NVL: variants seen among roughly 807,000 people sequenced by gnomAD.
NVL encodes the protein nuclear valosin-containing protein-like.
In NVL, 84 loss-of-function variants were observed where a neutral mutation model predicts 110.2. The ratio of observed to expected loss-of-function variants is 0.76; its 90% confidence interval spans 0.64 to 0.91. NVL has a LOEUF of 0.91. Ranked by LOEUF, NVL falls within the 40% of genes least tolerant of loss-of-function variation. The pLI, the probability that NVL is intolerant of heterozygous loss-of-function variation, is 0.00. For missense variants in NVL, 882 were observed against 1,035.9 expected (o/e 0.85, Z 2.04); for synonymous variants, 354 against 361.1 (o/e 0.98, Z 0.22).
chr1:224,316,375 T>C (rs1271256661), intron 4 of NVL, among the ~76,000 whole-genome samples: 2 of 151,998 alleles, frequency 1.3e-5, no homozygotes, highest in Non-Finnish European at 2.9e-5. Context: ...TAACATACAG[T>C]GACAGAAAGC....
At chr1:224,303,615 C>T (rs1668628217) in intron 9 of NVL, 108 bp downstream of exon 9, 1 of 1,132,360 alleles carries the variant, frequency 8.8e-7, no homozygotes, top group African/African-American at 1.6e-5. Flanking sequence ...TGACTATGTT[C>T]TCTTCCTGAA....
At chr1:224,321,625 G>A (rs1175731198) in intron 2 of NVL, among the ~76,000 whole-genome samples, 2 of 151,796 alleles carry the variant, frequency 1.3e-5, no homozygotes. Context: ...GTGTGGTGGT[G>A]TACACCTGTA....
At chr1:224,231,884 T>C (rs150967467) in intron 21 of NVL, among the ~76,000 whole-genome samples, 3,687 of 150,818 alleles carry the variant, frequency 0.024, 65 homozygotes, top group Non-Finnish European at 0.04. Context: ...AAAAATTAAG[T>C]GGGTGTGGTG....
chr1:224,270,296 C>A (rs1479205756), intron 17 of NVL, among the ~76,000 whole-genome samples: 1 of 152,152 alleles, frequency 6.6e-6, no homozygotes, highest in Non-Finnish European at 1.5e-5. Flanking sequence ...GTGGCTCACA[C>A]CTGTAATCCC....
intron 8 of NVL, 41 bp downstream of exon 8, chr1:224,304,695 T>G: frequency 6.8e-7 from 1 of 1,466,884 alleles, no homozygotes; most frequent in Admixed American, 1.7e-5. Context: ...AACTGATTAG[T>G]AATATATCCA....
At chr1:224,324,007 G>C (rs538051145) in intron 2 of NVL, among the ~76,000 whole-genome samples, 34 of 152,332 alleles carry the variant, frequency 2.2e-4, no homozygotes, top group African/African-American at 7.7e-4. Flanking sequence ...ATTCTGAGAA[G>C]TGTATCATTA....
chr1:224,300,424 C>T, intron 10 of NVL, 138 bp downstream of exon 10: 1 of 543,372 alleles, frequency 1.8e-6, no homozygotes, highest in South Asian at 3.2e-5. Flanking sequence ...AGCCATCATG[C>T]ATAGCAAATT....
At chr1:224,286,215 G>GTTTT in intron 14 of NVL, 85 bp from the exon 15 acceptor site, 24 of 734,388 alleles carry the variant, frequency 3.3e-5, no homozygotes, top group Non-Finnish European at 4.7e-5. Context: ...ATATTTTATG[G>GTTTT]TTTTTTTTTT....
intron 12 of NVL, among the ~76,000 whole-genome samples, chr1:224,291,291 C>T (rs933470741): frequency 5.9e-5 from 9 of 152,214 alleles, no homozygotes; most frequent in Admixed American, 2.6e-4. Context: ...CCGCAACCTC[C>T]GCCTCCCAGG....
intron 18 of NVL, among the ~76,000 whole-genome samples, 195 bp from the exon 19 acceptor site, chr1:224,250,513 TGCTATCATGCCTG>T (rs1445172932): frequency 6.6e-6 from 1 of 152,096 alleles, no homozygotes; most frequent in Non-Finnish European, 1.5e-5. Flanking sequence ...TATAGATGCA[TGCTATCATGCCTG>T]GCTAATTTTT....
chr1:224,252,452 A>G (rs1662609833), intron 18 of NVL, among the ~76,000 whole-genome samples: 1 of 152,212 alleles, frequency 6.6e-6, no homozygotes, highest in Admixed American at 6.5e-5. Context: ...GACACAGGCT[A>G]TAATTAATGA....
At position 224,286,129 on chromosome 1, in the gene NVL, G is replaced by A. The variant is rs751853764; in HGVS notation, c.1796C>T (p.Ala599Val). ...IREELTMAIL[A>V]PVRNPDQFKA... The stretch of plus-strand genomic sequence containing the variant: ...GAACTGGTCTGGGTTGCGTACTGGT[G>A]CCTGGAAATAATGATACAAACGGCG... Residue 599 changes from alanine (A) to valine (V), a missense_variant and splice_region_variant, in exon 15 of 23, where the codon GCA becomes GTA. Ala to Val is a moderately conservative substitution (Grantham distance 64, BLOSUM62 0). This residue lies in a region of NVL where 416 missense variants were observed against 499.3 expected (regional missense o/e 0.83). Transcript: ENST00000281701. The A allele has an allele frequency of 5.3e-5, 86 of 1,611,910 alleles. No individual in the cohort carries two copies. The highest frequency in any genetic ancestry group is 6.9e-5 in the Non-Finnish European group (81 of 1,178,376).
intron 13 of NVL, chr1:224,289,114 C>T (rs570162934): frequency 3.0e-5 from 6 of 203,334 alleles, no homozygotes; most frequent in African/African-American, 1.4e-4. Context: ...CTGCTGCAGA[C>T]TCCTGTGTGA....
At chr1:224,233,321 T>A in intron 20 of NVL, 32 bp from the exon 21 acceptor site, 8 of 1,525,100 alleles carry the variant, frequency 5.2e-6, no homozygotes, top group Non-Finnish European at 7.1e-6. Context: ...CTACTTATTC[T>A]TAGATACTGC....
At chr1:224,274,206 G>A (rs1395125449) in intron 17 of NVL, among the ~76,000 whole-genome samples, 1 of 151,736 alleles carries the variant, frequency 6.6e-6, no homozygotes, top group Non-Finnish European at 1.5e-5. Flanking sequence ...CAGGAGAATC[G>A]CTTGAACCCG....
chr1:224,307,953 T>C (rs376761131), intron 6 of NVL, 38 bp downstream of exon 6: 1 of 1,506,956 alleles, frequency 6.6e-7, no homozygotes, highest in Non-Finnish European at 8.9e-7. Context: ...TGAAATGTAC[T>C]TCGATGATAT....
chr1:224,311,856 A>T lies in NVL; in HGVS notation c.286T>A (p.Tyr96Asn). The T allele has an allele frequency of 6.2e-7, 1 of 1,611,824 alleles. No individual in the cohort carries two copies. Among genetic ancestry groups the T allele is most frequent in the Non-Finnish European group, 8.5e-7 (1 of 1,178,122 alleles). Residue 96 changes from tyrosine to asparagine, a missense_variant and splice_region_variant, in exon 5 of 23, where the codon TAT (tyrosine) becomes AAT (asparagine). Physicochemically the swap from Tyr to Asn is moderately radical, Grantham distance 143. Transcript: ENST00000281701. Reference sequence around the variant, plus strand: ...TCATCATCAGAATAGCTTTCAGTATACCTCAGTAAAAGGAGGGAAAAATGT... The same window carrying T: ...TCATCATCAGAATAGCTTTCAGTATTCCTCAGTAAAAGGAGGGAAAAATGT... The part of the protein sequence containing the change: ...RARQGEEDNE[Y>N]TESYSDDDSS...
In NVL at chr1:224,273,046, A is replaced by AC. The variant is rs1407423067; in HGVS notation, c.2082+2292_2082+2293insG. ...GAGACTCCGTCTCAAAAAAAAACAA[A>AC]AAAAACAAACAAACAAAAAAAAACA... is the stretch of plus-strand genomic sequence containing the variant. On this transcript the variant is annotated intron_variant, in intron 17 of 22. Transcript: ENST00000281701. Among the ~76,000 whole-genome samples the AC allele has an allele frequency of 3.8e-3, 524 of 138,786 alleles. 15 individuals carry two copies. The highest frequency in any genetic ancestry group is 0.015 in the Middle Eastern group (4 of 264). The allele number at this position is 138,786 out of a possible 152,430, so 91.0% of individuals were successfully genotyped here. A position where few individuals can be genotyped will look rare whatever the true frequency, so the allele number is the denominator to read the frequency against.
At chr1:224,325,980 G>A (rs113841260) in intron 2 of NVL, among the ~76,000 whole-genome samples, 11 of 152,036 alleles carry the variant, frequency 7.2e-5, no homozygotes, top group Admixed American at 6.6e-4. Flanking sequence ...GTACAGATGG[G>A]GTTTCACCAT....
Sources: allele counts gnomAD v4.1 joint callset (sites outside exome capture counted in the v4.1 genomes callset), GRCh38; gene constraint gnomAD v4.1.1; regional missense constraint gnomAD v4.1.1; transcripts MANE v1.5; gene names NCBI Gene and HGNC (gene_info 2026-07-23, HGNC 2026-07-21).